The following INHBA variants were observed in gnomAD, a reference collection of about 807,000 sequenced individuals.
The protein encoded by INHBA is inhibin beta A chain.
In INHBA, 1 loss-of-function variant was observed where a neutral mutation model predicts 29.0. The observed-to-expected ratio is 0.03, with a 90% CI of 0.01 to 0.16. The LOEUF is 0.16. INHBA is among the 10% of genes least tolerant of loss of function. INHBA has a pLI of 1.00. For missense variants in INHBA, 376 were observed against 545.4 expected (o/e 0.69, Z 3.09); for synonymous variants, 242 against 216.8 (o/e 1.12, Z -1.02).
At chr7:41,699,901 G>T in intron 2 of INHBA, 86 bp downstream of exon 2, 1 of 929,078 alleles carries the variant, frequency 1.1e-6, no homozygotes. Context: ...GAAGGGAAAA[G>T]AAGTTCCTCC....
rs574388804 is a variant in INHBA at position 41,700,443 on chromosome 7, G to T, written c.-69C>A. ...GCTTTTCCTCCCCCCTCACGCGCAG[G>T]TTTTTTTGTGTGTGTGGATTTTTTT... On this transcript the variant is annotated 5_prime_UTR_variant, in exon 2 of 3. Coordinates refer to ENST00000242208, the MANE Select transcript of INHBA (RefSeq NM_002192.4). The T allele has an allele frequency of 3.8e-6, 5 of 1,305,978 alleles. No homozygotes were observed. The highest frequency in any genetic ancestry group is 4.5e-5 in the South Asian group (2 of 44,392). The allele number at this position is 1,305,978 out of a possible 1,614,324, so 80.9% of individuals were successfully genotyped here. A position where few individuals can be genotyped will look rare whatever the true frequency, so the allele number is the denominator to read the frequency against.
chr7:41,688,744 A>G lies in INHBA; in HGVS notation c.*906T>C, dbSNP rs1274805175. ...AAAACAACAACAACATTTACAAAAT[A>G]TAGAAATGTTTGGATCCAACAGATG... On this transcript the variant is annotated 3_prime_UTR_variant, in exon 3 of 3. Transcript: ENST00000242208. The G allele has an allele frequency of 3.4e-5, 6 of 175,284 alleles. No individual in the cohort carries two copies. The highest frequency in any genetic ancestry group is 1.4e-4 in the African/African-American group (6 of 42,176). 10.9% of individuals were successfully genotyped at this position (175,284 alleles called of 1,614,324 possible).
intron 2 of INHBA, among the ~76,000 whole-genome samples, chr7:41,696,260 C>G (rs116952538): frequency 2.0e-5 from 3 of 152,272 alleles, no homozygotes; most frequent in East Asian, 1.9e-4. Context: ...ACCCGGGAGA[C>G]CGTATTAGGG....
chr7:41,688,267 C>T lies in INHBA; in HGVS notation c.*1383G>A, dbSNP rs1794427437. On this transcript the variant is annotated 3_prime_UTR_variant, in exon 3 of 3. Coordinates refer to ENST00000242208, the MANE Select transcript of INHBA (RefSeq NM_002192.4). ...AGCAATGTATATATACACATACAAG[C>T]ATGTAGTTCCATGAATTTGATTGAA... 1.3e-5 allele frequency: 2 copies of T among 152,246 alleles called. No individual in the cohort carries two copies. Among genetic ancestry groups the T allele is most frequent in the South Asian group, 4.1e-4 (2 of 4,824 alleles). The allele number at this position is 152,246 out of a possible 1,614,324, so 9.4% of individuals were successfully genotyped here. A position where few individuals can be genotyped will look rare whatever the true frequency, so the allele number is the denominator to read the frequency against.
chr7:41,694,946 C>T lies in INHBA; in HGVS notation c.389-4404G>A, dbSNP rs531805063. Among the ~76,000 whole-genome samples, 8 of 152,264 alleles carry T rather than the reference C, an allele frequency of 5.3e-5. No homozygotes were observed. In the South Asian group the frequency reaches 1.5e-3, roughly 28 times the overall value. On this transcript the variant is annotated intron_variant, in intron 2 of 2. Transcript: ENST00000242208. ...GGAAAGATAGCTGGAAGGGTGTTTG[C>T]AGCACATTTTCCTTTGCTTTCAGAA...
At position 41,700,471 on chromosome 7, in the gene INHBA, T is replaced by A; in HGVS notation, c.-97A>T. 2 of 1,179,450 alleles carry A rather than the reference T, an allele frequency of 1.7e-6. No individual in the cohort carries two copies. Among genetic ancestry groups the A allele is most frequent in the Non-Finnish European group, 2.2e-6 (2 of 891,324 alleles). The allele number at this position is 1,179,450 out of a possible 1,614,324, so 73.1% of individuals were successfully genotyped here. On this transcript the variant is annotated 5_prime_UTR_variant, in exon 2 of 3. Coordinates refer to ENST00000242208, the MANE Select transcript of INHBA (RefSeq NM_002192.4). ...TTTTTGTGTGTGTGGATTTTTTTAT[T>A]TTTTTTTTTGGTGTTTTTTTTTTCC...
chr7:41,693,887 T>A (rs1479128881), intron 2 of INHBA: 1 of 152,236 alleles, frequency 6.6e-6, no homozygotes, highest in Non-Finnish European at 1.5e-5. Context: ...GACATTTGGA[T>A]TTTCCCCCTA....
intron 1 of INHBA, among the ~76,000 whole-genome samples, chr7:41,700,913 G>C (rs1224454606): frequency 1.3e-5 from 2 of 148,800 alleles, no homozygotes; most frequent in Non-Finnish European, 3.0e-5. Context: ...TGAATGGAGA[G>C]GGAGGGAGTT....
intron 2 of INHBA, among the ~76,000 whole-genome samples, chr7:41,697,805 C>G (rs1794682009): frequency 6.6e-6 from 1 of 152,152 alleles, no homozygotes; most frequent in Non-Finnish European, 1.5e-5. Flanking sequence ...CTTTTCTGGA[C>G]TAGCAAAATC....
chr7:41,690,034 C>T lies in INHBA; in HGVS notation c.897G>A (p.Gln299=). Residue 299 remains glutamine (Q), a synonymous_variant, in exon 3 of 3, where the codon CAG becomes CAA. Transcript: ENST00000242208. ...GCCGGCGATGAGGGTGGTCTTCAGA[C>T]TGCCGGGCCTGCAGCATGAGGAAAG... ...HRPFLMLQAR[Q]SEDHPHRRRR... The T allele has an allele frequency of 6.2e-7, 1 of 1,614,088 alleles. No homozygotes were observed. Among genetic ancestry groups the T allele is most frequent in the South Asian group, 1.1e-5 (1 of 91,084 alleles).
chr7:41,702,483 AG>A (rs1188082225), intron 1 of INHBA, among the ~76,000 whole-genome samples: 2 of 152,124 alleles, frequency 1.3e-5, no homozygotes, highest in African/African-American at 4.8e-5. Context: ...AGAATGGGGG[AG>A]GCAGGGGACA....
At chr7:41,691,989 G>A (rs1409183789) in intron 2 of INHBA, 1 of 152,092 alleles carries the variant, frequency 6.6e-6, no homozygotes, top group East Asian at 1.9e-4. Context: ...ACATTGTCAG[G>A]GCAGTTGAAT....
chr7:41,696,723 G>A (rs1057188347), intron 2 of INHBA, among the ~76,000 whole-genome samples: 2 of 152,180 alleles, frequency 1.3e-5, no homozygotes, highest in Non-Finnish European at 2.9e-5. Context: ...GGTGGGATTG[G>A]AATGGTGGGA....
At chr7:41,702,067 C>A (rs1794809511) in intron 1 of INHBA, among the ~76,000 whole-genome samples, 2 of 152,144 alleles carry the variant, frequency 1.3e-5, no homozygotes, top group Non-Finnish European at 2.9e-5. Flanking sequence ...AGCGTTCCTT[C>A]CCTCTCGGTT....
At chr7:41,698,937 G>A (rs1271080205) in intron 2 of INHBA, among the ~76,000 whole-genome samples, 1 of 152,206 alleles carries the variant, frequency 6.6e-6, no homozygotes, top group Non-Finnish European at 1.5e-5. Flanking sequence ...CCTTTCAAAT[G>A]GAGTTGGCAA....
rs1794475122 is a variant in INHBA at position 41,690,391 on chromosome 7, C to A, written c.540G>T (p.Lys180Asn). The change falls in exon 3 of 3, where the codon AAG becomes AAT. Residue 180 changes from lysine (K) to asparagine (N), a missense_variant. Coordinates refer to ENST00000242208, the MANE Select transcript of INHBA (RefSeq NM_002192.4). Reference sequence around the variant, plus strand: ...CTGTGTCCAAGCTGCCCTGCGGGTGCTTCTGCTGCTGGAAGAGGCGGATGG... The same window carrying A: ...CTGTGTCCAAGCTGCCCTGCGGGTGATTCTGCTGCTGGAAGAGGCGGATGG... ...KVTIRLFQQQKHPQGSLDTGE... is the reference protein window; with the variant it reads ...KVTIRLFQQQNHPQGSLDTGE... 2 of 1,614,016 alleles carry A rather than the reference C, an allele frequency of 1.2e-6. No homozygotes were observed. Among genetic ancestry groups the A allele is most frequent in the South Asian group, 2.2e-5 (2 of 91,088 alleles).
intron 1 of INHBA, 118 bp downstream of exon 1, chr7:41,702,887 T>C (rs1365308268): frequency 1.3e-5 from 2 of 152,224 alleles, no homozygotes; most frequent in East Asian, 3.8e-4. Flanking sequence ...GCCTGAATAA[T>C]ATAAAAAGGT....
At chr7:41,692,057 T>G (rs1204491633) in intron 2 of INHBA, 1 of 152,246 alleles carries the variant, frequency 6.6e-6, no homozygotes, top group African/African-American at 2.4e-5. Context: ...TATTTCCTTC[T>G]CTTTTCCTAA....
Position 41,690,281 on chromosome 7 carries a change from G to T in INHBA, c.650C>A (p.Thr217Asn). The T allele has an allele frequency of 6.2e-7, 1 of 1,613,978 alleles. No homozygotes were observed. Among genetic ancestry groups the T allele is most frequent in the South Asian group, 1.1e-5 (1 of 91,062 alleles). ...SEKVVDARKS[T>N]WHVFPVSSSI... ...GCTGGAGACAGGGAAGACATGCCAG[G>T]TGCTCTTCCGAGCGTCTACTACTTT... The change falls in exon 3 of 3, where the codon ACC becomes AAC. Residue 217 changes from threonine (T) to asparagine (N), a missense_variant. Around this residue, in one of 4 missense-constraint regions of INHBA, gnomAD observed 253 missense variants for 313.4 expected, o/e 0.81. Coordinates refer to ENST00000242208, the MANE Select transcript of INHBA (RefSeq NM_002192.4).
Sources: allele counts gnomAD v4.1 joint callset (sites outside exome capture counted in the v4.1 genomes callset), GRCh38; gene constraint gnomAD v4.1.1; regional missense constraint gnomAD v4.1.1; transcripts MANE v1.5; gene names NCBI Gene and HGNC (gene_info 2026-07-23, HGNC 2026-07-21).